Variants in TREML1 observed in about 807,000 individuals in gnomAD.
TREML1 encodes trem-like transcript 1 protein.
Under a neutral mutation model 22.8 loss-of-function variants are expected in TREML1, and 27 were observed. That is an observed-to-expected ratio of 1.19 (90% confidence interval 0.87 to 1.64). The LOEUF is 1.64. TREML1 is among the 40% of genes most tolerant of loss of function. The pLI is 0.00. For synonymous variants in TREML1, 153 were observed against 161.9 expected (o/e 0.94, Z 0.42); for missense variants, 356 against 382.0 (o/e 0.93, Z 0.57).
chr6:41,149,718 G>C lies in TREML1; in HGVS notation c.822C>G (p.Val274=), dbSNP rs1301065138. The change falls in exon 6 of 6, where the codon GTC becomes GTG. Residue 274 remains valine (V), a synonymous_variant. Coordinates refer to ENST00000426005, the MANE Select transcript of TREML1 (RefSeq NM_178174.4). ...TGGCATATGTCACAGGCTTGGAGCA[G>C]ACCAGGACCTTAGGAGGTAGAGGGG... is the stretch of plus-strand genomic sequence containing the variant. ...SLPPLPPKVL[V]CSKPVTYATV... 2 of 1,614,226 alleles carry C rather than the reference G, an allele frequency of 1.2e-6. No individual in the cohort carries two copies. The highest frequency in any genetic ancestry group is 1.7e-6 in the Non-Finnish European group (2 of 1,180,038).
upstream of TREML1, among the ~76,000 whole-genome samples, chr6:41,154,723 C>T (rs1048431032): frequency 2.6e-5 from 4 of 152,300 alleles, no homozygotes; most frequent in Non-Finnish European, 4.4e-5. Context: ...GAGTGCCCCA[C>T]GACCACCCAA....
At chr6:41,150,342 C>T (rs373405110) in intron 4 of TREML1, 29 bp from the exon 5 acceptor site, 7 of 1,612,094 alleles carry the variant, frequency 4.3e-6, no homozygotes, top group Non-Finnish European at 5.9e-6. Context: ...GCAGCATAGT[C>T]TGCTTCCGGG....
At chr6:41,151,770 G>A (rs375958260) in intron 2 of TREML1, 46 of 202,332 alleles carry the variant, frequency 2.3e-4, no homozygotes, top group African/African-American at 9.9e-4. Context: ...CTTCCCACCC[G>A]AATAGGTTTC....
intron 3 of TREML1, 103 bp from the exon 4 acceptor site, chr6:41,151,010 G>A (rs1765230188): frequency 1.1e-5 from 11 of 993,694 alleles, no homozygotes; most frequent in Non-Finnish European, 1.6e-5. Context: ...TCTTGATTGG[G>A]AGAGGGAGAT....
chr6:41,150,930 C>T (rs772198061), intron 3 of TREML1, 23 bp from the exon 4 acceptor site: 11 of 1,609,396 alleles, frequency 6.8e-6, no homozygotes, highest in Non-Finnish European at 9.4e-6. Flanking sequence ...AAGGGATAGG[C>T]AGGCTTAGAC....
At chr6:41,152,470 G>A (rs954078860) in intron 2 of TREML1, among the ~76,000 whole-genome samples, 1 of 152,068 alleles carries the variant, frequency 6.6e-6, no homozygotes, top group East Asian at 1.9e-4. Flanking sequence ...GAGGGCAAAG[G>A]ATGACAAGGA....
At chr6:41,151,446 G>GCA in intron 2 of TREML1, 62 bp from the exon 3 acceptor site, 7 of 1,472,836 alleles carry the variant, frequency 4.8e-6, no homozygotes, top group South Asian at 2.3e-5. Context: ...ATATGGGCAG[G>GCA]CTTCAATATC....
intron 2 of TREML1, chr6:41,151,587 C>T: frequency 1.7e-6 from 1 of 574,232 alleles, no homozygotes; most frequent in Non-Finnish European, 3.1e-6. Context: ...GGCACTGGCT[C>T]TTTATGTCTT....
Position 41,150,799 on chromosome 6 carries a change from A to G in TREML1, c.568+20T>C. ...ACTGGAATGGTAGGGCCAGGCTGAG[A>G]TAGGAAGATAGCCACCTACCTTGTT... On this transcript the variant is annotated intron_variant, in intron 4 of 5. Transcript: ENST00000426005. The G allele has an allele frequency of 2.5e-6, 4 of 1,610,182 alleles. No individual in the cohort carries two copies. Among genetic ancestry groups the G allele is most frequent in the Non-Finnish European group, 3.4e-6 (4 of 1,176,486 alleles).
At chr6:41,152,601 G>A (rs1193987552) in intron 2 of TREML1, among the ~76,000 whole-genome samples, 1 of 151,930 alleles carries the variant, frequency 6.6e-6, no homozygotes, top group African/African-American at 2.4e-5. Flanking sequence ...GGCCAGGGGT[G>A]GTGGCTTATA....
intron 2 of TREML1, among the ~76,000 whole-genome samples, chr6:41,152,752 A>G (rs1461745628): frequency 1.3e-5 from 2 of 152,184 alleles, no homozygotes; most frequent in African/African-American, 4.8e-5. Flanking sequence ...GGGCACCTGT[A>G]GTCCCAGTTA....
At chr6:41,151,432 G>T (rs1582067860) in intron 2 of TREML1, 48 bp from the exon 3 acceptor site, 1 of 1,534,242 alleles carries the variant, frequency 6.5e-7, no homozygotes, top group Non-Finnish European at 9.0e-7. Flanking sequence ...ATGAGTGCAT[G>T]CCCATATGGG....
chr6:41,153,961 C>T lies in TREML1; in HGVS notation c.173G>A (p.Gly58Glu), dbSNP rs770347901. 2 of 1,614,178 alleles carry T rather than the reference C, an allele frequency of 1.2e-6. No homozygotes were observed. Among genetic ancestry groups the T allele is most frequent in the South Asian group, 1.1e-5 (1 of 91,086 alleles). Reference sequence around the variant, plus strand: ...AGCTGAGGACACCAGGGGCTGGCACCCCTCCGGCAAGAACCGGCACCACAC... The same window carrying T: ...AGCTGAGGACACCAGGGGCTGGCACTCCTCCGGCAAGAACCGGCACCACAC... ...QKVWCRFLPE[G>E]CQPLVSSAVD... Residue 58 changes from glycine to glutamate, a missense_variant, in exon 2 of 6, where the codon GGG becomes GAG. Gly to Glu is a moderately conservative substitution (Grantham distance 98, BLOSUM62 -2). Transcript: ENST00000426005.
intron 1 of TREML1, 72 bp downstream of exon 1, chr6:41,154,174 C>T (rs1765361778): frequency 1.9e-6 from 3 of 1,591,458 alleles, no homozygotes; most frequent in Non-Finnish European, 2.6e-6. Flanking sequence ...GTGGCATTCA[C>T]AATAACACGT....
intron 1 of TREML1, 56 bp from the exon 2 acceptor site, chr6:41,154,146 C>T: frequency 6.3e-7 from 1 of 1,586,986 alleles, no homozygotes; most frequent in South Asian, 1.1e-5. Flanking sequence ...ATCTCCCAGC[C>T]CAGCTGCTGG....
At chr6:41,152,097 G>A (rs952552279) in intron 2 of TREML1, among the ~76,000 whole-genome samples, 3 of 152,182 alleles carry the variant, frequency 2.0e-5, no homozygotes, top group Non-Finnish European at 2.9e-5. Context: ...CTTTCAGACC[G>A]ACTGGAATGG....
Position 41,151,402 on chromosome 6 carries a change from G to C in TREML1, c.377-18C>G. On this transcript the variant is annotated intron_variant, in intron 2 of 5. Transcript: ENST00000426005. ...TTCTTCCTCTGTCAGGCCAGGAATG[G>C]AGTCAGAAGGAAACATTTAATGAGT... The C allele has an allele frequency of 6.2e-7, 1 of 1,607,626 alleles. No individual in the cohort carries two copies. The highest frequency in any genetic ancestry group is 8.5e-7 in the Non-Finnish European group (1 of 1,174,110).
chr6:41,150,467 C>G (rs1765216258), intron 4 of TREML1, among the ~76,000 whole-genome samples, 154 bp from the exon 5 acceptor site: 1 of 152,098 alleles, frequency 6.6e-6, no homozygotes, highest in Admixed American at 6.5e-5. Flanking sequence ...TTCCATCTCC[C>G]CAGCCTGCCG....
intron 2 of TREML1, among the ~76,000 whole-genome samples, chr6:41,152,529 G>A (rs1765286919): frequency 6.6e-6 from 1 of 152,108 alleles, no homozygotes; most frequent in Non-Finnish European, 1.5e-5. Context: ...CTTGAGATGA[G>A]AAGGATTCTA....
Sources: allele counts gnomAD v4.1 joint callset (sites outside exome capture counted in the v4.1 genomes callset), GRCh38; gene constraint gnomAD v4.1.1; transcripts MANE v1.5; gene names NCBI Gene and HGNC (gene_info 2026-07-23, HGNC 2026-07-21).